The following GABRG3 variants were observed in gnomAD, a reference collection of about 807,000 sequenced individuals.
GABRG3 encodes the protein gamma-aminobutyric acid receptor subunit gamma-3.
Under a neutral mutation model 48.8 loss-of-function variants are expected in GABRG3, and 25 were observed. The ratio of observed to expected loss-of-function variants is 0.51; its 90% CI spans 0.37 to 0.72. The LOEUF (loss-of-function observed/expected upper bound fraction) is 0.72, where lower values mean the gene tolerates loss of function less well. Ranked by LOEUF, GABRG3 falls within the 30% of genes least tolerant of loss-of-function variation. The probability of loss-of-function intolerance (pLI) is 0.00; values close to 1 mark genes in which losing one functional copy is unlikely to be tolerated. For missense variants in GABRG3, 394 were observed against 577.9 expected (o/e 0.68, Z 3.26); for synonymous variants, 227 against 217.6 (o/e 1.04, Z -0.38).
intron 3 of GABRG3, among the ~76,000 whole-genome samples, chr15:27,060,291 C>T (rs1472435477): frequency 6.6e-6 from 1 of 152,224 alleles, no homozygotes; most frequent in Non-Finnish European, 1.5e-5. Flanking sequence ...AGCCCACTGG[C>T]CTGTTGGTGC....
intron 5 of GABRG3, among the ~76,000 whole-genome samples, chr15:27,397,801 A>ATTT (rs1566823235): frequency 4.3e-5 from 6 of 138,418 alleles, no homozygotes; most frequent in Non-Finnish European, 7.7e-5. Flanking sequence ...TTCTCTGAAA[A>ATTT]ATTTTTTTTT....
intron 3 of GABRG3, among the ~76,000 whole-genome samples, chr15:27,308,157 T>C (rs1274461868): frequency 1.1e-5 from 1 of 90,426 alleles, no homozygotes; most frequent in African/African-American, 3.9e-5. Context: ...TCCAAACATA[T>C]ATAAACATAT....
chr15:27,129,473 A>C (rs1438689698), intron 3 of GABRG3, among the ~76,000 whole-genome samples: 1 of 152,148 alleles, frequency 6.6e-6, no homozygotes, highest in African/African-American at 2.4e-5. Context: ...TGTTGCTTCT[A>C]CCTTCTGGTT....
intron 3 of GABRG3, among the ~76,000 whole-genome samples, chr15:27,269,896 GT>G (rs1891029943): frequency 6.6e-6 from 1 of 151,980 alleles, no homozygotes; most frequent in Admixed American, 6.6e-5. Context: ...CCTATATTAA[GT>G]TTTAAGAATC....
intron 3 of GABRG3, among the ~76,000 whole-genome samples, chr15:27,285,466 A>T (rs892724719): frequency 6.6e-6 from 1 of 152,142 alleles, no homozygotes; most frequent in African/African-American, 2.4e-5. Flanking sequence ...CCCCACAAAA[A>T]TTTTGTCAGA....
chr15:27,137,711 A>G (rs576482779), intron 3 of GABRG3, among the ~76,000 whole-genome samples: 8 of 152,298 alleles, frequency 5.3e-5, no homozygotes, highest in African/African-American at 1.9e-4. Context: ...ACTTGTCTCT[A>G]GTTGTAGGAC....
chr15:27,306,191 CATATTT>C (rs1338403556), intron 3 of GABRG3, among the ~76,000 whole-genome samples: 2 of 129,528 alleles, frequency 1.5e-5, no homozygotes, highest in Non-Finnish European at 3.2e-5. Context: ...ATAATATAAA[CATATTT>C]ATAATATAAA....
chr15:27,235,075 C>T (rs1011652041), intron 3 of GABRG3, among the ~76,000 whole-genome samples: 1 of 152,126 alleles, frequency 6.6e-6, no homozygotes, highest in Non-Finnish European at 1.5e-5. Context: ...TGCCTTAATA[C>T]CCTTAAGGAA....
At chr15:27,459,722 G>A (rs906193305) in intron 5 of GABRG3, among the ~76,000 whole-genome samples, 20 of 152,128 alleles carry the variant, frequency 1.3e-4, no homozygotes, top group African/African-American at 4.6e-4. Context: ...TCATTAGATG[G>A]TCTTTGCAAT....
chr15:27,495,002 T>G (rs1890448212), intron 6 of GABRG3, among the ~76,000 whole-genome samples: 2 of 152,240 alleles, frequency 1.3e-5, no homozygotes, highest in Non-Finnish European at 2.9e-5. Flanking sequence ...CTACTTTAGC[T>G]GTATCCCACA....
At chr15:27,207,327 G>A (rs569160520) in intron 3 of GABRG3, among the ~76,000 whole-genome samples, 33 of 152,172 alleles carry the variant, frequency 2.2e-4, no homozygotes, top group Non-Finnish European at 3.8e-4. Context: ...ATATAACCAT[G>A]TCCAAGACAT....
intron 5 of GABRG3, among the ~76,000 whole-genome samples, chr15:27,394,374 TTTA>T (rs1467181272): frequency 6.6e-6 from 1 of 152,116 alleles, no homozygotes; most frequent in East Asian, 1.9e-4. Context: ...CCCTTTTATA[TTTA>T]TTATTATCAT....
intron 3 of GABRG3, among the ~76,000 whole-genome samples, chr15:27,163,846 A>G (rs1391839532): frequency 6.6e-6 from 1 of 152,190 alleles, no homozygotes; most frequent in Non-Finnish European, 1.5e-5. Flanking sequence ...CATTCCATGA[A>G]GTAAACAGTT....
At chr15:27,486,222 G>A (rs1890216418) in intron 6 of GABRG3, among the ~76,000 whole-genome samples, 1 of 152,134 alleles carries the variant, frequency 6.6e-6, no homozygotes, top group Non-Finnish European at 1.5e-5. Context: ...AAGAGATCAA[G>A]GAAGAAGCCT....
At chr15:27,080,336 C>T (rs1487787879) in intron 3 of GABRG3, among the ~76,000 whole-genome samples, 1 of 152,042 alleles carries the variant, frequency 6.6e-6, no homozygotes, top group African/African-American at 2.4e-5. Flanking sequence ...GTGGTGTGTG[C>T]CTGTAATCCC....
At chr15:27,500,315 G>A (rs1297831781) in intron 6 of GABRG3, among the ~76,000 whole-genome samples, 2 of 152,268 alleles carry the variant, frequency 1.3e-5, no homozygotes, top group African/African-American at 4.8e-5. Context: ...GCAGCTCCCA[G>A]AAGCCAAGAC....
rs1394070332 is a variant in GABRG3 at position 26,977,387 on chromosome 15, CAGTCA to C, written c.202+240_202+244del. Among the ~76,000 whole-genome samples the C allele has an allele frequency of 2.6e-5, 4 of 152,230 alleles. No individual in the cohort carries two copies. In the East Asian group the frequency reaches 5.8e-4, roughly 22 times the overall value. On this transcript the variant is annotated intron_variant, in intron 2 of 9. Transcript: ENST00000615808. The stretch of plus-strand genomic sequence containing the variant: ...ATGTAGACTTATGTAATGATCCTTG[CAGTCA>C]AGATACAGAACTCCTTCATCAACCG...
chr15:27,193,065 G>A (rs1336927274), intron 3 of GABRG3, among the ~76,000 whole-genome samples: 11 of 152,268 alleles, frequency 7.2e-5, no homozygotes, highest in Non-Finnish European at 1.5e-4. Context: ...CTGTCTGATC[G>A]TTCCTCTGGA....
intron 3 of GABRG3, among the ~76,000 whole-genome samples, chr15:27,171,561 T>C: frequency 6.7e-6 from 1 of 148,324 alleles, no homozygotes; most frequent in East Asian, 2.0e-4. Context: ...TATATGTATA[T>C]GTATATATAT....
Sources: allele counts gnomAD v4.1 joint callset (sites outside exome capture counted in the v4.1 genomes callset), GRCh38; gene constraint gnomAD v4.1.1; transcripts MANE v1.5; gene names NCBI Gene and HGNC (gene_info 2026-07-23, HGNC 2026-07-21).